Variants in CLASP1 observed in about 807,000 individuals in gnomAD.
The protein encoded by CLASP1 is cytoplasmic linker associated protein 1.
A neutral mutation model predicts 192.3 loss-of-function variants in CLASP1; 38 were observed. That is an observed-to-expected ratio of 0.20 (90% CI 0.15 to 0.26). CLASP1 has a LOEUF of 0.26. Ranked by LOEUF, CLASP1 falls within the 10% of genes least tolerant of loss-of-function variation. The probability of loss-of-function intolerance (pLI) is 1.00; values close to 1 mark genes in which losing one functional copy is unlikely to be tolerated. For synonymous variants in CLASP1, 691 were observed against 712.8 expected, an observed-to-expected ratio of 0.97 and a Z score of 0.49; for missense variants, 1,433 against 1,932.5, an observed-to-expected ratio of 0.74 and a Z score of 4.85.
Position 121,445,287 on chromosome 2 carries a change from G to C in CLASP1, c.1912+2050C>G, listed in dbSNP as rs553948157. ...ATCCTCTTAAGAGTTCCTTTTTCTT[G>C]GAAGAAAGTACCAGCAGAACAGGGC... is the stretch of plus-strand genomic sequence containing the variant. On this transcript the variant is annotated intron_variant, in intron 19 of 39. Coordinates refer to ENST00000263710, the Ensembl canonical transcript of CLASP1. Among the ~76,000 whole-genome samples, 3 of 152,116 alleles carry C rather than the reference G, an allele frequency of 2.0e-5. No homozygotes were observed. The East Asian group carries it at 5.8e-4, about 29-fold the overall frequency.
intron 2 of CLASP1, among the ~76,000 whole-genome samples, chr2:121,581,257 G>GTTTTTTTTTTTTT (rs1429061024): frequency 3.3e-5 from 3 of 91,690 alleles, no homozygotes; most frequent in African/African-American, 1.7e-4. Context: ...AAGGCCTTTT[G>GTTTTTTTTTTTTT]TTCTTTTTTT....
At chr2:121,455,344 T>C (rs1367878635) in intron 14 of CLASP1, among the ~76,000 whole-genome samples, 6 of 152,212 alleles carry the variant, frequency 3.9e-5, no homozygotes, top group African/African-American at 1.4e-4. Context: ...AAGAGATATC[T>C]GAACTCTCAT....
chr2:121,575,771 G>A lies in CLASP1; in HGVS notation c.195+29930C>T, dbSNP rs553803458. ...GAGGAGAGGCAGAAAGGAGGAGGAC[G>A]GATAAATACACCTAAGATAACATTA... On this transcript the variant is annotated intron_variant, in intron 2 of 39. Coordinates refer to ENST00000263710, the Ensembl canonical transcript of CLASP1. Among the ~76,000 whole-genome samples, 11 of 152,202 alleles carry A rather than the reference G, an allele frequency of 7.2e-5. 1 individual carries two copies. The South Asian group carries it at 1.0e-3, about 14-fold the overall frequency.
At chr2:121,585,001 C>A (rs953041506) in intron 2 of CLASP1, among the ~76,000 whole-genome samples, 5 of 151,218 alleles carry the variant, frequency 3.3e-5, no homozygotes, top group African/African-American at 7.3e-5. Flanking sequence ...TCAGCACTTA[C>A]GATACGTCAA....
At chr2:121,451,570 G>A (rs144256477) in intron 15 of CLASP1, among the ~76,000 whole-genome samples, 1 of 152,362 alleles carries the variant, frequency 6.6e-6, no homozygotes, top group East Asian at 1.9e-4. Flanking sequence ...CTCTGCAGCT[G>A]TCAGAATGCA....
intron 7 of CLASP1, among the ~76,000 whole-genome samples, chr2:121,514,141 T>C (rs898092398): frequency 6.6e-6 from 1 of 152,184 alleles, no homozygotes; most frequent in African/African-American, 2.4e-5. Context: ...CACCATGTCA[T>C]TTCCCCCTGA....
chr2:121,462,599 T>C (rs1298355461), exon 10 of CLASP1: 2 of 1,598,846 alleles, frequency 1.3e-6, no homozygotes, highest in African/African-American at 1.3e-5. Flanking sequence ...AGCTCCTTCT[T>C]TTGCAGCTGT....
chr2:121,618,683 AAT>A (rs1166335372), intron 1 of CLASP1, among the ~76,000 whole-genome samples: 2 of 151,726 alleles, frequency 1.3e-5, no homozygotes, highest in East Asian at 3.9e-4. Flanking sequence ...ATGCAAAAAT[AAT>A]ATAAAAAGTG....
chr2:121,470,659 T>C, intron 8 of CLASP1: 1 of 453,638 alleles, frequency 2.2e-6, no homozygotes. Flanking sequence ...CTTTTTTTTG[T>C]TTGTTTGAAT....
At chr2:121,380,744 C>T (rs2071437708) in intron 33 of CLASP1, among the ~76,000 whole-genome samples, 3 of 152,328 alleles carry the variant, frequency 2.0e-5, no homozygotes, top group Admixed American at 6.5e-5. Flanking sequence ...TTTTATGTAA[C>T]TGATAGGTTT....
exon 9 of CLASP1, chr2:121,469,919 G>T (rs1246886901): frequency 4.3e-6 from 7 of 1,613,088 alleles, no homozygotes; most frequent in Non-Finnish European, 5.1e-6. Flanking sequence ...GCAGAGGAAG[G>T]TCTGTTACCA....
chr2:121,353,161 C>A, intron 37 of CLASP1, among the ~76,000 whole-genome samples: 1 of 152,160 alleles, frequency 6.6e-6, no homozygotes. Context: ...GAAACCCCAT[C>A]TCAAACAAAA....
chr2:121,366,376 AATT>A (rs943329702), intron 35 of CLASP1, among the ~76,000 whole-genome samples: 14 of 152,236 alleles, frequency 9.2e-5, no homozygotes, highest in African/African-American at 3.4e-4. Context: ...GCATATAAGC[AATT>A]AATAGCCAAG....
At chr2:121,545,957 TGA>T (rs2057377157) in intron 2 of CLASP1, among the ~76,000 whole-genome samples, 1 of 152,078 alleles carries the variant, frequency 6.6e-6, no homozygotes, top group Admixed American at 6.6e-5. Context: ...TTCTATAGAA[TGA>T]GAGCTTCAAA....
intron 1 of CLASP1, among the ~76,000 whole-genome samples, chr2:121,606,781 G>A (rs2064474809): frequency 6.6e-6 from 1 of 152,374 alleles, no homozygotes; most frequent in Non-Finnish European, 1.5e-5. Context: ...AAAGGAGGTG[G>A]GCGCAGTGGC....
At chr2:121,403,727 T>C in intron 26 of CLASP1, 1 of 463,380 alleles carries the variant, frequency 2.2e-6, no homozygotes, top group South Asian at 1.5e-5. Context: ...CCACCACCCC[T>C]GGAAAGTGTT....
intron 34 of CLASP1, among the ~76,000 whole-genome samples, chr2:121,368,466 T>C (rs1439707999): frequency 6.6e-6 from 1 of 151,836 alleles, no homozygotes; most frequent in Non-Finnish European, 1.5e-5. Flanking sequence ...TTTTCCCTAG[T>C]ATATTCTGAA....
intron 2 of CLASP1, among the ~76,000 whole-genome samples, chr2:121,545,347 A>T (rs2095309532): frequency 6.6e-6 from 1 of 152,038 alleles, no homozygotes; most frequent in South Asian, 2.1e-4. Flanking sequence ...TTTTTCTTTT[A>T]TTTGTTTGGT....
chr2:121,529,724 A>G (rs890132269), intron 3 of CLASP1, among the ~76,000 whole-genome samples: 2 of 152,200 alleles, frequency 1.3e-5, no homozygotes, highest in Non-Finnish European at 2.9e-5. Flanking sequence ...TTGTAATGAC[A>G]TTTACAATCA....
Sources: gnomAD v4.1 joint callset for allele counts (sites outside exome capture counted in the v4.1 genomes callset) on GRCh38, gnomAD v4.1.1 for gene constraint, MANE v1.5 for transcripts, NCBI Gene and HGNC (gene_info 2026-07-23, HGNC 2026-07-21) for gene names.